Variants in SEC23IP observed in about 807,000 individuals in gnomAD.
SEC23IP encodes SEC23-interacting protein.
A neutral mutation model predicts 113.4 loss-of-function variants in SEC23IP; 70 were observed. The observed-to-expected ratio is 0.62, with a 90% confidence interval of 0.51 to 0.75. SEC23IP has a LOEUF of 0.75. Ranked by LOEUF, SEC23IP falls within the 30% of genes least tolerant of loss-of-function variation. SEC23IP has a pLI of 0.00. For synonymous variants in SEC23IP, 398 were observed against 421.0 expected (o/e 0.95, Z 0.67); for missense variants, 1,160 against 1,204.9 (o/e 0.96, Z 0.55).
chr10:119,909,383 G>C (rs1369346574), intron 5 of SEC23IP, among the ~76,000 whole-genome samples: 1 of 152,140 alleles, frequency 6.6e-6, no homozygotes, highest in Non-Finnish European at 1.5e-5. Flanking sequence ...GAGACAGGTG[G>C]AATGCTTGAG....
At position 119,930,386 on chromosome 10, in the gene SEC23IP, G is replaced by C; in HGVS notation, c.2527G>C (p.Ala843Pro). The C allele has an allele frequency of 6.2e-7, 1 of 1,612,294 alleles. No individual in the cohort carries two copies. Among genetic ancestry groups the C allele is most frequent in the Non-Finnish European group, 8.5e-7 (1 of 1,178,804 alleles). The part of the protein sequence containing the change: ...PMIVPDLDLK[A>P]VLIPHHKGRK... Reference sequence around the variant, plus strand: ...GATTGTTCCAGATTTGGACCTAAAAGCTGTTCTCATTCCACATCACAAAGG... The same window carrying C: ...GATTGTTCCAGATTTGGACCTAAAACCTGTTCTCATTCCACATCACAAAGG... The change falls in exon 15 of 19, where the codon GCT becomes CCT. Residue 843 changes from alanine to proline, a missense_variant. Ala to Pro is a conservative substitution (Grantham distance 27). Transcript: ENST00000369075.
intron 2 of SEC23IP, among the ~76,000 whole-genome samples, chr10:119,901,296 C>T (rs967627345): frequency 2.6e-5 from 4 of 151,736 alleles, no homozygotes; most frequent in Admixed American, 6.6e-5. Context: ...TGTGAACCAT[C>T]GTGTCTATCC....
rs1222057720 is a variant in SEC23IP, at chr10:119,933,769, CA to C, written c.*5del. 1.3e-6 allele frequency: 2 copies of C among 1,536,890 alleles called. No individual in the cohort carries two copies. Among genetic ancestry groups the C allele is most frequent in the Middle Eastern group, 1.7e-4 (1 of 5,882 alleles). On this transcript the variant is annotated 3_prime_UTR_variant, in exon 18 of 19. Coordinates refer to ENST00000369075, the MANE Select transcript of SEC23IP (RefSeq NM_007190.4). ...AGTCCAGAACAGCCCCAGCATTGAT[CA>C]AACTTCAGTTTTACTGTGTGAGTTT...
intron 3 of SEC23IP, 50 bp downstream of exon 3, chr10:119,903,059 A>C (rs753465534): frequency 7.0e-7 from 1 of 1,422,926 alleles, no homozygotes; most frequent in East Asian, 2.3e-5. Context: ...AAGAGAAGGA[A>C]TGAGATCATT....
rs754168764 is a variant in SEC23IP, at chr10:119,926,065, G to T, written c.2151G>T (p.Val717=). The change falls in exon 13 of 19, where the codon GTG becomes GTT. Residue 717 remains valine, a synonymous_variant. Coordinates refer to ENST00000369075, the MANE Select transcript of SEC23IP (RefSeq NM_007190.4). ...AAGCAGCGTCAGAAAAGAAGGCAGT[G>T]GCGGCCACTTCTACAAAAGGACAAG... The part of the protein sequence containing the change: ...LKKAASEKKA[V]AATSTKGQEQ... 3.7e-6 allele frequency: 6 copies of T among 1,613,438 alleles called. No individual in the cohort carries two copies. Among genetic ancestry groups the T allele is most frequent in the Admixed American group, 3.3e-5 (2 of 59,876 alleles).
chr10:119,892,894 A>C lies in SEC23IP; in HGVS notation c.112A>C (p.Ile38Leu). Residue 38 changes from isoleucine to leucine, a missense_variant, in exon 1 of 19, where the codon ATC (isoleucine) becomes CTC (leucine). Coordinates refer to ENST00000369075, the MANE Select transcript of SEC23IP (RefSeq NM_007190.4). ...ATEFSFNVPF[I>L]PVTQASASPA... ...GGAGTTCAGCTTCAATGTGCCCTTC[A>C]TCCCAGTCACCCAGGCCTCCGCTTC... is the stretch of plus-strand genomic sequence containing the variant. 6.2e-7 allele frequency: 1 copy of C among 1,613,302 alleles called. No individual in the cohort carries two copies. Among genetic ancestry groups the C allele is most frequent in the Non-Finnish European group, 8.5e-7 (1 of 1,179,656 alleles).
chr10:119,911,055 G>GAA (rs918341158), intron 5 of SEC23IP, among the ~76,000 whole-genome samples: 4 of 133,132 alleles, frequency 3.0e-5, no homozygotes, highest in Non-Finnish European at 3.2e-5. Flanking sequence ...TTTTTTTAAA[G>GAA]AAAATTTTCT....
intron 1 of SEC23IP, among the ~76,000 whole-genome samples, chr10:119,895,213 A>G (rs1310090588): frequency 6.6e-6 from 1 of 152,134 alleles, no homozygotes; most frequent in Non-Finnish European, 1.5e-5. Flanking sequence ...GTGAAACCCC[A>G]TCTCAACTAA....
chr10:119,929,358 C>T (rs1360510268), intron 13 of SEC23IP, among the ~76,000 whole-genome samples: 1 of 152,092 alleles, frequency 6.6e-6, no homozygotes, highest in Non-Finnish European at 1.5e-5. Flanking sequence ...CTTAGCCTCC[C>T]AAGTAGCTGG....
At chr10:119,930,608 T>C (rs1478496473) in intron 15 of SEC23IP, among the ~76,000 whole-genome samples, 177 bp downstream of exon 15, 1 of 152,258 alleles carries the variant, frequency 6.6e-6, no homozygotes, top group Non-Finnish European at 1.5e-5. Context: ...AAATGAATTA[T>C]TTCTCTTTGA....
At chr10:119,914,928 GT>G in intron 7 of SEC23IP, 109 bp downstream of exon 7, 1 of 966,528 alleles carries the variant, frequency 1.0e-6, no homozygotes, top group Non-Finnish European at 1.6e-6. Flanking sequence ...TTGCTGAGGA[GT>G]CTGTAAGAGG....
rs1338778183 is a variant in SEC23IP, at chr10:119,933,307, A to AT, written c.2921+145dup. On this transcript the variant is annotated intron_variant, in intron 17 of 18. Transcript: ENST00000369075. Reference sequence around the variant, plus strand: ...GAATTACTATATGTTCAGAATCGTTATTTTTCCCCCTTAGTTACCCACAAG... The same window carrying AT: ...GAATTACTATATGTTCAGAATCGTTATTTTTTCCCCCTTAGTTACCCACAAG... 4 of 784,306 alleles carry AT rather than the reference A, an allele frequency of 5.1e-6. No individual in the cohort carries two copies. In the East Asian group the frequency reaches 7.7e-5, roughly 15 times the overall value. 48.6% of individuals were successfully genotyped at this position (784,306 alleles called of 1,614,324 possible).
intron 16 of SEC23IP, 114 bp downstream of exon 16, chr10:119,932,432 C>G (rs537399922): frequency 2.7e-6 from 2 of 744,226 alleles, no homozygotes; most frequent in South Asian, 2.0e-5. Context: ...ATTATAGAAG[C>G]TCTTTAAAGG....
In SEC23IP at chr10:119,943,950, A is replaced by G. The variant is rs1856019663; in HGVS notation, c.*3385A>G. 6.6e-6 allele frequency: 1 copy of G among 152,202 alleles called. No individual in the cohort carries two copies. Among genetic ancestry groups the G allele is most frequent in the East Asian group, 1.9e-4 (1 of 5,188 alleles). 9.4% of individuals were successfully genotyped at this position (152,202 alleles called of 1,614,324 possible). On this transcript the variant is annotated 3_prime_UTR_variant, in exon 19 of 19. Coordinates refer to ENST00000369075, the MANE Select transcript of SEC23IP (RefSeq NM_007190.4). ...ATGTTTGTCTTTCATTTCTTGTATAAAGAGTGGTTTTTAAAAGACCTTACT... is the reference window on the plus strand; with the variant it reads ...ATGTTTGTCTTTCATTTCTTGTATAGAGAGTGGTTTTTAAAAGACCTTACT...
intron 13 of SEC23IP, among the ~76,000 whole-genome samples, chr10:119,927,687 A>G (rs988307204): frequency 6.6e-6 from 1 of 152,216 alleles, no homozygotes; most frequent in Non-Finnish European, 1.5e-5. Context: ...ATAAAGTCAC[A>G]TTATGAGGTA....
At chr10:119,902,727 A>G in intron 2 of SEC23IP, 72 bp from the exon 3 acceptor site, 1 of 1,168,624 alleles carries the variant, frequency 8.6e-7, no homozygotes, top group Non-Finnish European at 1.3e-6. Context: ...TACTAACATC[A>G]GTTTGGGTGT....
chr10:119,918,613 T>G, intron 10 of SEC23IP, 102 bp downstream of exon 10: 1 of 764,384 alleles, frequency 1.3e-6, no homozygotes, highest in African/African-American at 1.7e-5. Flanking sequence ...TTTGTTTGTT[T>G]GTTTGTTTGT....
intron 1 of SEC23IP, among the ~76,000 whole-genome samples, chr10:119,898,014 T>TA (rs71482624): frequency 1.9e-4 from 25 of 132,146 alleles, no homozygotes; most frequent in South Asian, 6.3e-4. Context: ...CAAAAAAAAA[T>TA]AAAAAAAAAA....
intron 11 of SEC23IP, among the ~76,000 whole-genome samples, chr10:119,920,630 C>T (rs2271125): frequency 0.055 from 8,332 of 152,274 alleles, 431 homozygotes; most frequent in South Asian, 0.27. Context: ...GATATTTCAT[C>T]GTATGCTTGA....
Sources: allele counts gnomAD v4.1 joint callset (sites outside exome capture counted in the v4.1 genomes callset), GRCh38; gene constraint gnomAD v4.1.1; transcripts MANE v1.5; gene names NCBI Gene and HGNC (gene_info 2026-07-23, HGNC 2026-07-21).